The following ACTG2 variants were observed in gnomAD, a reference collection of about 807,000 sequenced individuals.
ACTG2 encodes the protein actin, gamma-enteric smooth muscle.
Under a neutral mutation model 37.6 loss-of-function variants are expected in ACTG2, and 16 were observed. That is an observed-to-expected ratio of 0.43 (90% CI 0.29 to 0.65). The LOEUF (loss-of-function observed/expected upper bound fraction) is 0.65, where lower values mean the gene tolerates loss of function less well. Among genes scored for constraint, ACTG2 ranks in the 30% least tolerant of loss-of-function variants. The pLI is 0.18. For missense variants in ACTG2, 238 were observed against 490.9 expected, an observed-to-expected ratio of 0.48 and a Z score of 4.87; for synonymous variants, 181 against 179.9, an observed-to-expected ratio of 1.01 and a Z score of -0.05.
At chr2:73,905,846 T>C (rs190463762) in intron 3 of ACTG2, among the ~76,000 whole-genome samples, 4 of 152,170 alleles carry the variant, frequency 2.6e-5, no homozygotes, top group Non-Finnish European at 4.4e-5. Context: ...GGATTATTTA[T>C]AACCAAAAAT....
chr2:73,915,656 T>G (rs6711332), intron 7 of ACTG2, among the ~76,000 whole-genome samples: 33,768 of 151,980 alleles, frequency 0.22, 4,931 homozygotes, highest in African/African-American at 0.42. Context: ...AGGCAATGGG[T>G]GACTGTCAGA....
At position 73,914,874 on chromosome 2, in the gene ACTG2, G is replaced by A. The variant is rs113252317; in HGVS notation, c.805+3G>A. On this transcript the variant is annotated splice_donor_region_variant and intron_variant, in intron 7 of 8. Transcript: ENST00000345517. ...CCTCTTCCAGCCTTCCTTTATTGGT[G>A]AGGTGCTGCCCACAGTCCCTGCCAA... 1.3e-6 allele frequency: 2 copies of A among 1,572,324 alleles called. No homozygotes were observed. Among genetic ancestry groups the A allele is most frequent in the Admixed American group, 1.7e-5 (1 of 57,272 alleles).
rs114723358 is a variant in ACTG2 at position 73,898,192 on chromosome 2, C to T, written c.-36-3084C>T. 7.1e-3 allele frequency among the ~76,000 whole-genome samples: 1,048 copies of T among 148,648 alleles called. 13 individuals are homozygous for T. Among genetic ancestry groups the T allele is most frequent in the African/African-American group, 0.022 (912 of 40,888 alleles). ...AAACATGGAGAAGTTATGACAGTTC[C>T]CCAAAGTAGTGACGAAGGCACATCT... On this transcript the variant is annotated intron_variant, in intron 1 of 8. Coordinates refer to ENST00000345517, the MANE Select transcript of ACTG2 (RefSeq NM_001615.4).
At chr2:73,902,568 C>G (rs1679915872) in intron 3 of ACTG2, 80 bp downstream of exon 3, 2 of 1,584,206 alleles carry the variant, frequency 1.3e-6, no homozygotes, top group Admixed American at 3.7e-5. Flanking sequence ...GGCCACTGTG[C>G]TCTGTCAACT....
chr2:73,896,432 T>C (rs190800367), intron 1 of ACTG2, among the ~76,000 whole-genome samples: 1 of 152,072 alleles, frequency 6.6e-6, no homozygotes, highest in East Asian at 1.9e-4. Context: ...TGATTTACAA[T>C]GTCTACGGCA....
At chr2:73,901,759 G>T in intron 2 of ACTG2, 2 of 336,452 alleles carry the variant, frequency 5.9e-6, no homozygotes, top group Non-Finnish European at 1.0e-5. Flanking sequence ...ACATTTGGGG[G>T]GTTGCCAGGT....
intron 8 of ACTG2, among the ~76,000 whole-genome samples, chr2:73,917,581 G>A (rs1003845449): frequency 2.0e-4 from 30 of 152,322 alleles, no homozygotes; most frequent in African/African-American, 7.2e-4. Context: ...GAAAGAGTTG[G>A]GAATAGAAAT....
At chr2:73,902,852 T>C (rs1481524962) in intron 3 of ACTG2, 18 of 1,329,236 alleles carry the variant, frequency 1.4e-5, no homozygotes, top group African/African-American at 2.9e-5. Flanking sequence ...CGTCTTGGCA[T>C]TGGAGGACCT....
intron 3 of ACTG2, among the ~76,000 whole-genome samples, chr2:73,903,952 A>C (rs1226024462): frequency 1.4e-4 from 15 of 105,164 alleles, no homozygotes; most frequent in South Asian, 6.1e-4. Context: ...AAAAAAAAAA[A>C]AAAAAAACAA....
At chr2:73,909,823 A>C (rs1284530315) in intron 5 of ACTG2, among the ~76,000 whole-genome samples, 1 of 152,212 alleles carries the variant, frequency 6.6e-6, no homozygotes, top group African/African-American at 2.4e-5. Context: ...TGGGTGGGTT[A>C]GTGAGTGAGT....
chr2:73,898,982 T>G (rs1245031044), intron 1 of ACTG2, among the ~76,000 whole-genome samples: 1 of 151,844 alleles, frequency 6.6e-6, no homozygotes, highest in Non-Finnish European at 1.5e-5. Flanking sequence ...TTCTTTTTTT[T>G]TGTATTTTTA....
chr2:73,895,223 G>A lies in ACTG2; in HGVS notation c.-37+2172G>A, dbSNP rs145030936. ...TTTTGGTGGGGGAGATGCACGGCAG[G>A]CTCTGCAGGCCTAGAGCTCAAGAGA... is the stretch of plus-strand genomic sequence containing the variant. On this transcript the variant is annotated intron_variant, in intron 1 of 8. Coordinates refer to ENST00000345517, the MANE Select transcript of ACTG2 (RefSeq NM_001615.4). Among the ~76,000 whole-genome samples, 739 of 152,186 alleles carry A rather than the reference G, an allele frequency of 4.9e-3. 4 individuals carry two copies. Among genetic ancestry groups the A allele is most frequent in the Non-Finnish European group, 6.8e-3 (465 of 68,000 alleles).
chr2:73,904,553 G>C (rs571752805), intron 3 of ACTG2, among the ~76,000 whole-genome samples: 108 of 151,722 alleles, frequency 7.1e-4, no homozygotes, highest in African/African-American at 2.5e-3. Flanking sequence ...AGCTACTCCA[G>C]AGGCTGAGGC....
intron 5 of ACTG2, among the ~76,000 whole-genome samples, chr2:73,912,396 A>T (rs1168906675): frequency 6.6e-6 from 1 of 152,218 alleles, no homozygotes; most frequent in Non-Finnish European, 1.5e-5. Flanking sequence ...ACCTCAAGTG[A>T]TCTGCCCCCC....
intron 5 of ACTG2, among the ~76,000 whole-genome samples, chr2:73,912,405 C>T (rs1041979470): frequency 6.6e-6 from 1 of 152,208 alleles, no homozygotes; most frequent in East Asian, 1.9e-4. Context: ...GATCTGCCCC[C>T]CTTGGCCTCC....
intron 5 of ACTG2, among the ~76,000 whole-genome samples, chr2:73,910,980 G>A (rs575161597): frequency 8.8e-4 from 133 of 150,356 alleles, no homozygotes; most frequent in Non-Finnish European, 1.6e-3. Context: ...CATTAGCCTC[G>A]GCCTACACAG....
rs117330971 is a variant in ACTG2, at chr2:73,918,456, C to A, written c.988-976C>A. Among the ~76,000 whole-genome samples, 20 of 152,258 alleles carry A rather than the reference C, an allele frequency of 1.3e-4. No individual in the cohort carries two copies. In the East Asian group the frequency reaches 3.9e-3, roughly 29 times the overall value. The stretch of plus-strand genomic sequence containing the variant: ...GATAATAAAATAACTTCTAAAGATC[C>A]TTCTTATTCTACAATTCCATGATCT... On this transcript the variant is annotated intron_variant, in intron 8 of 8. Coordinates refer to ENST00000345517, the MANE Select transcript of ACTG2 (RefSeq NM_001615.4).
rs1444126627 is a variant in ACTG2, at chr2:73,919,503, C to T, written c.1059C>T (p.Phe353=). 1 of 1,614,054 alleles carries T rather than the reference C, an allele frequency of 6.2e-7. No individual in the cohort carries two copies. Among genetic ancestry groups the T allele is most frequent in the Non-Finnish European group, 8.5e-7 (1 of 1,180,016 alleles). The change falls in exon 9 of 9, where the codon TTC becomes TTT. Residue 353 remains phenylalanine (F), a synonymous_variant. Coordinates refer to ENST00000345517, the MANE Select transcript of ACTG2 (RefSeq NM_001615.4). ...CTATCCTGGCCTCTCTCTCCACCTT[C>T]CAGCAGATGTGGATCAGCAAGCCTG... The part of the protein sequence containing the change: ...GGSILASLST[F]QQMWISKPEY...
intron 3 of ACTG2, 150 bp downstream of exon 3, chr2:73,902,638 C>G (rs1157724834): frequency 6.4e-7 from 1 of 1,552,302 alleles, no homozygotes; most frequent in South Asian, 1.2e-5. Context: ...ACGACCATTT[C>G]TCCAACCTAG....
Sources: allele counts gnomAD v4.1 joint callset (sites outside exome capture counted in the v4.1 genomes callset), GRCh38; gene constraint gnomAD v4.1.1; transcripts MANE v1.5; gene names NCBI Gene and HGNC (gene_info 2026-07-23, HGNC 2026-07-21).